SNRPB2: variants seen among roughly 807,000 people sequenced by gnomAD.
The protein encoded by SNRPB2 is U2 small nuclear ribonucleoprotein B''.
In SNRPB2, 16 loss-of-function variants were observed where a neutral mutation model predicts 26.3. The observed-to-expected ratio is 0.61, with a 90% confidence interval of 0.41 to 0.92. The LOEUF is 0.92. Ranked by LOEUF, SNRPB2 falls within the 40% of genes least tolerant of loss-of-function variation. SNRPB2 has a pLI of 0.00. For missense variants in SNRPB2, 179 were observed against 268.1 expected (o/e 0.67, Z 2.32); for synonymous variants, 75 against 89.0 (o/e 0.84, Z 0.88).
intron 1 of SNRPB2, 127 bp from the exon 2 acceptor site, chr20:16,731,541 T>A (rs965877227): frequency 1.1e-6 from 1 of 908,630 alleles, no homozygotes; most frequent in Non-Finnish European, 1.6e-6. Flanking sequence ...GGAGATACAA[T>A]AAAGGCTACA....
At chr20:16,732,392 A>G in intron 3 of SNRPB2, 56 bp downstream of exon 3, 1 of 913,220 alleles carries the variant, frequency 1.1e-6, no homozygotes, top group Non-Finnish European at 1.7e-6. Flanking sequence ...TTGATGGGAC[A>G]GTAGATTTGT....
In SNRPB2 at chr20:16,731,277, T is replaced by C. The variant is rs543791698; in HGVS notation, c.-35-391T>C. On this transcript the variant is annotated intron_variant, in intron 1 of 6. Transcript: ENST00000246071. ...CCCATTAAGTAGTTGGCAAACTTCA[T>C]TAATGTCTAACCTTATGATTTTTAC... Among the ~76,000 whole-genome samples the C allele has an allele frequency of 3.9e-5, 6 of 152,366 alleles. No individual in the cohort carries two copies. The South Asian group carries it at 1.2e-3, about 32-fold the overall frequency.
chr20:16,736,517 T>C (rs2072427032), intron 3 of SNRPB2, among the ~76,000 whole-genome samples: 2 of 152,188 alleles, frequency 1.3e-5, no homozygotes, highest in Non-Finnish European at 2.9e-5. Flanking sequence ...AATAAACTCA[T>C]TAAAAATGGT....
In SNRPB2 at chr20:16,738,443, CAAA is replaced by C. The variant is rs11292422; in HGVS notation, c.379-391_379-389del. ...GGGTGACAAGAGCAAGACTCCATCT[CAAA>C]AAAAAAAAAAAAAAAAAGTGAAATT... On this transcript the variant is annotated intron_variant, in intron 4 of 6. Coordinates refer to ENST00000246071, the MANE Select transcript of SNRPB2 (RefSeq NM_003092.5). 5.6e-3 allele frequency among the ~76,000 whole-genome samples: 441 copies of C among 79,016 alleles called. 1 individual carries two copies. Among genetic ancestry groups the C allele is most frequent in the Non-Finnish European group, 8.1e-3 (306 of 37,734 alleles). The allele number at this position is 79,016 out of a possible 152,430, so 51.8% of individuals were successfully genotyped here.
chr20:16,741,371 AAGTT>A lies in SNRPB2; in HGVS notation c.*368_*371del, dbSNP rs1242666747. The A allele has an allele frequency of 6.4e-6, 1 of 156,576 alleles. No homozygotes were observed. The highest frequency in any genetic ancestry group is 6.5e-5 in the Admixed American group (1 of 15,462). The allele number at this position is 156,576 out of a possible 1,614,324, so 9.7% of individuals were successfully genotyped here. A position where few individuals can be genotyped will look rare whatever the true frequency, so the allele number is the denominator to read the frequency against. On this transcript the variant is annotated 3_prime_UTR_variant, in exon 7 of 7. Transcript: ENST00000246071. The stretch of plus-strand genomic sequence containing the variant: ...ACAACATCATTGAACCATTCAATAA[AAGTT>A]AAGTAAAATTAGATCACAGAAGCTA...
intron 1 of SNRPB2, chr20:16,731,018 T>A (rs2072386466): frequency 6.6e-6 from 1 of 152,356 alleles, no homozygotes; most frequent in Non-Finnish European, 1.5e-5. Context: ...ATTCTTATTT[T>A]ACTGATGAGG....
intron 5 of SNRPB2, among the ~76,000 whole-genome samples, chr20:16,739,882 C>T (rs2072451994): frequency 6.8e-6 from 1 of 147,112 alleles, no homozygotes; most frequent in East Asian, 2.0e-4. Flanking sequence ...CAGTGGTTCT[C>T]GGTGGTAATC....
chr20:16,732,172 A>C lies in SNRPB2; in HGVS notation c.73A>C (p.Arg25=). The change falls in exon 3 of 7, where the codon AGA becomes CGA. Residue 25 remains arginine, a synonymous_variant. Coordinates refer to ENST00000246071, the MANE Select transcript of SNRPB2 (RefSeq NM_003092.5). ...TTTTCTAATTTGGACAGAATTGAAG[A>C]GATCCCTATATGCCCTGTTTTCTCA... ...NDKIKKEELK[R]SLYALFSQFG... 6.3e-7 allele frequency: 1 copy of C among 1,583,716 alleles called. No individual in the cohort carries two copies. The highest frequency in any genetic ancestry group is 8.6e-7 in the Non-Finnish European group (1 of 1,163,196).
rs1021934086 is a variant in SNRPB2 at position 16,738,995 on chromosome 20, A to G, written c.429+93A>G. ...CAATTTCCATGTCTCCAAAAACAAA[A>G]TGATTTCATCTACAAGACACAGTGC... On this transcript the variant is annotated intron_variant, in intron 5 of 6. Transcript: ENST00000246071. The G allele has an allele frequency of 6.1e-6, 5 of 823,062 alleles. No homozygotes were observed. In the East Asian group the frequency reaches 1.3e-4, roughly 21 times the overall value. 51.0% of individuals were successfully genotyped at this position (823,062 alleles called of 1,614,324 possible).
chr20:16,740,753 TGGACTAG>T, intron 6 of SNRPB2, 86 bp from the exon 7 acceptor site: 1 of 917,270 alleles, frequency 1.1e-6, no homozygotes, highest in Admixed American at 2.5e-5. Context: ...TTATTTTTCT[TGGACTAG>T]TATTAGGAAG....
intron 1 of SNRPB2, among the ~76,000 whole-genome samples, chr20:16,731,260 G>T (rs8117060): frequency 0.032 from 4,858 of 152,276 alleles, 131 homozygotes; most frequent in African/African-American, 0.057. Context: ...CACCCATTAA[G>T]TAGTTGGCAA....
At chr20:16,730,929 CT>C (rs11478679) in intron 1 of SNRPB2, 42,268 of 152,078 alleles carry the variant, frequency 0.28, 6,115 homozygotes, top group East Asian at 0.37. Context: ...AATAGCTACT[CT>C]TAAGTGTTTA....
At chr20:16,735,672 A>G (rs186695185) in intron 3 of SNRPB2, among the ~76,000 whole-genome samples, 25 of 152,334 alleles carry the variant, frequency 1.6e-4, no homozygotes, top group Admixed American at 5.9e-4. Context: ...ATCAAATACT[A>G]TCTTGGACAA....
intron 6 of SNRPB2, 141 bp from the exon 7 acceptor site, chr20:16,740,705 G>C (rs1568755788): frequency 5.8e-6 from 4 of 690,222 alleles, no homozygotes; most frequent in South Asian, 2.2e-5. Context: ...TACACATGAG[G>C]CTCTTCCGTC....
At chr20:16,731,081 A>G (rs117256295) in intron 1 of SNRPB2, 4,817 of 152,578 alleles carry the variant, frequency 0.032, 107 homozygotes, top group Non-Finnish European at 0.049. Flanking sequence ...AGAAGCATAA[A>G]TAGGATTTGA....
chr20:16,730,835 G>A (rs1020437375), intron 1 of SNRPB2: 10 of 152,236 alleles, frequency 6.6e-5, no homozygotes, highest in African/African-American at 2.2e-4. Flanking sequence ...GTGTAGAGGA[G>A]AAAGCAAGGG....
rs1346258356 is a variant in SNRPB2, at chr20:16,738,855, A to C, written c.382A>C (p.Thr128Pro). Residue 128 changes from threonine (T) to proline (P), a missense_variant, in exon 5 of 7, where the codon ACT (threonine) becomes CCT (proline). Thr to Pro is a conservative substitution (Grantham distance 38). Transcript: ENST00000246071. ...TTTNKKPGQGTPNSANTQGNS... is the reference protein window; with the variant it reads ...TTTNKKPGQGPPNSANTQGNS... ...TCTCCCTATTTATTTTGCTTAGGGA[A>C]CTCCAAATTCAGCTAATACCCAAGG... 5.0e-6 allele frequency: 8 copies of C among 1,594,252 alleles called. No homozygotes were observed. The highest frequency in any genetic ancestry group is 1.3e-5 in the African/African-American group (1 of 74,414).
At position 16,738,875 on chromosome 20, in the gene SNRPB2, C is replaced by A. The variant is rs1318873359; in HGVS notation, c.402C>A (p.Thr134=). 6.2e-7 allele frequency: 1 copy of A among 1,605,832 alleles called. No homozygotes were observed. Among genetic ancestry groups the A allele is most frequent in the African/African-American group, 1.3e-5 (1 of 74,696 alleles). ...AGGGAACTCCAAATTCAGCTAATAC[C>A]CAAGGAAATTCAACACCAAATCCTC... ...PGQGTPNSAN[T]QGNSTPNPQV... The change falls in exon 5 of 7, where the codon ACC becomes ACA. Residue 134 remains threonine, a synonymous_variant. Transcript: ENST00000246071.
intron 2 of SNRPB2, 49 bp downstream of exon 2, chr20:16,731,815 C>T: frequency 6.2e-7 from 1 of 1,605,890 alleles, no homozygotes; most frequent in Non-Finnish European, 8.5e-7. Flanking sequence ...TGTTTATTTA[C>T]TACTGTCTTA....
Sources: gnomAD v4.1 joint callset for allele counts (sites outside exome capture counted in the v4.1 genomes callset) on GRCh38, gnomAD v4.1.1 for gene constraint, MANE v1.5 for transcripts, NCBI Gene and HGNC (gene_info 2026-07-23, HGNC 2026-07-21) for gene names.